PLD5: variants seen among roughly 807,000 people sequenced by gnomAD.
PLD5 encodes the protein inactive phospholipase D5.
A neutral mutation model predicts 61.1 loss-of-function variants in PLD5; 36 were observed. The observed-to-expected ratio is 0.59, with a 90% CI of 0.45 to 0.78. PLD5 has a LOEUF of 0.78. Ranked by LOEUF, PLD5 falls within the 30% of genes least tolerant of loss-of-function variation. The pLI is 0.00. For synonymous variants in PLD5, 243 were observed against 242.8 expected (o/e 1.00, Z -0.01); for missense variants, 515 against 644.4 (o/e 0.80, Z 2.17).
At chr1:242,099,952 A>AT (rs1304775072) in intron 9 of PLD5, among the ~76,000 whole-genome samples, 5 of 152,188 alleles carry the variant, frequency 3.3e-5, no homozygotes, top group African/African-American at 4.8e-5. Context: ...TCATGGACTC[A>AT]TATATATCAT....
intron 1 of PLD5, among the ~76,000 whole-genome samples, chr1:242,348,444 G>C (rs982881038): frequency 6.6e-6 from 1 of 152,102 alleles, no homozygotes; most frequent in Non-Finnish European, 1.5e-5. Flanking sequence ...CCCACTCTAA[G>C]TGATAGACCC....
intron 2 of PLD5, among the ~76,000 whole-genome samples, chr1:242,346,817 C>T (rs887605970): frequency 6.6e-6 from 1 of 152,156 alleles, no homozygotes; most frequent in Non-Finnish European, 1.5e-5. Context: ...ACCCCTGACT[C>T]TCCAACAGGC....
At chr1:242,453,307 C>A (rs1052600618) in intron 1 of PLD5, among the ~76,000 whole-genome samples, 2 of 152,192 alleles carry the variant, frequency 1.3e-5, no homozygotes, top group Non-Finnish European at 2.9e-5. Context: ...GACTTTCCAG[C>A]CTCCAGAATC....
At chr1:242,523,997 C>G in intron 1 of PLD5, 91 bp downstream of exon 1, 1 of 1,371,796 alleles carries the variant, frequency 7.3e-7, no homozygotes, top group South Asian at 1.4e-5. Flanking sequence ...TCGCCTGCCC[C>G]CCGCGCCCCG....
chr1:242,516,723 C>G (rs1669116893), intron 1 of PLD5, among the ~76,000 whole-genome samples: 2 of 152,212 alleles, frequency 1.3e-5, no homozygotes, highest in African/African-American at 4.8e-5. Flanking sequence ...TTTAATTAAT[C>G]TAGCTTTAGA....
At chr1:242,234,169 T>C (rs1671488160) in intron 4 of PLD5, among the ~76,000 whole-genome samples, 1 of 152,178 alleles carries the variant, frequency 6.6e-6, no homozygotes, top group South Asian at 2.1e-4. Context: ...CCAAATGAGA[T>C]ACAAATTCAT....
intron 1 of PLD5, among the ~76,000 whole-genome samples, chr1:242,437,831 C>G (rs1356735316): frequency 6.6e-6 from 1 of 152,172 alleles, no homozygotes; most frequent in East Asian, 1.9e-4. Flanking sequence ...CAAACTGAGG[C>G]ACACAGAAGT....
chr1:242,342,120 T>C (rs1659868291), intron 2 of PLD5, among the ~76,000 whole-genome samples: 1 of 152,186 alleles, frequency 6.6e-6, no homozygotes, highest in African/African-American at 2.4e-5. Context: ...TTCCATATTG[T>C]CATGAGGATT....
chr1:242,195,559 G>C (rs1258676530), intron 5 of PLD5, among the ~76,000 whole-genome samples: 1 of 152,160 alleles, frequency 6.6e-6, no homozygotes, highest in African/African-American at 2.4e-5. Flanking sequence ...AACACTTAAG[G>C]CTGCCTTAAA....
chr1:242,526,959 A>G (rs555624702), upstream of PLD5, among the ~76,000 whole-genome samples: 48 of 152,270 alleles, frequency 3.2e-4, no homozygotes, highest in African/African-American at 1.1e-3. Flanking sequence ...AGTGATAGAT[A>G]TCCAATTCAG....
At chr1:242,447,047 G>C (rs2102917693) in intron 1 of PLD5, among the ~76,000 whole-genome samples, 1 of 152,248 alleles carries the variant, frequency 6.6e-6, no homozygotes, top group South Asian at 2.1e-4. Context: ...AAGCAAGAAT[G>C]GGGATTACTA....
chr1:242,259,649 A>G (rs1236928819), intron 4 of PLD5, among the ~76,000 whole-genome samples: 1 of 151,628 alleles, frequency 6.6e-6, no homozygotes, highest in African/African-American at 2.4e-5. Context: ...CACTTATTTC[A>G]CTCATCATTT....
chr1:242,174,602 A>G (rs1246381782), intron 5 of PLD5, among the ~76,000 whole-genome samples: 2 of 152,240 alleles, frequency 1.3e-5, no homozygotes, highest in African/African-American at 2.4e-5. Context: ...ATGCGCATGT[A>G]TGTTTACTGT....
chr1:242,331,907 T>G (rs1659197720), intron 2 of PLD5, among the ~76,000 whole-genome samples: 1 of 152,156 alleles, frequency 6.6e-6, no homozygotes, highest in Non-Finnish European at 1.5e-5. Flanking sequence ...ATTATTATAC[T>G]TCATGTCCTG....
chr1:242,094,988 G>C (rs1660107740), intron 9 of PLD5, among the ~76,000 whole-genome samples: 1 of 142,336 alleles, frequency 7.0e-6, no homozygotes, highest in Non-Finnish European at 1.6e-5. Context: ...GCCCAGGCTG[G>C]AGTGCAGTGG....
At chr1:242,248,752 A>G (rs1255677391) in intron 4 of PLD5, among the ~76,000 whole-genome samples, 2 of 152,242 alleles carry the variant, frequency 1.3e-5, no homozygotes, top group Non-Finnish European at 2.9e-5. Flanking sequence ...CCTCAAGAGG[A>G]ACCATAATTT....
At chr1:242,372,954 A>T (rs957483408) in intron 1 of PLD5, among the ~76,000 whole-genome samples, 3 of 152,224 alleles carry the variant, frequency 2.0e-5, no homozygotes, top group Non-Finnish European at 2.9e-5. Context: ...GGATCTAATT[A>T]AACTAAAGAG....
intron 5 of PLD5, among the ~76,000 whole-genome samples, chr1:242,192,990 C>T (rs1668380330): frequency 6.6e-6 from 1 of 152,152 alleles, no homozygotes; most frequent in Admixed American, 6.5e-5. Flanking sequence ...ATAACTGAGC[C>T]TTGTCATGTT....
chr1:242,447,706 C>T (rs1221936430), intron 1 of PLD5, among the ~76,000 whole-genome samples: 1 of 152,176 alleles, frequency 6.6e-6, no homozygotes, highest in African/African-American at 2.4e-5. Context: ...CCCATCGCAC[C>T]CTTCCACAAC....
Sources: gnomAD v4.1 joint callset for allele counts (sites outside exome capture counted in the v4.1 genomes callset) on GRCh38, gnomAD v4.1.1 for gene constraint, MANE v1.5 for transcripts, NCBI Gene and HGNC (gene_info 2026-07-23, HGNC 2026-07-21) for gene names.